The following UTP20 variants were observed in gnomAD, a reference collection of about 807,000 sequenced individuals.
The protein encoded by UTP20 is UTP20 small subunit processome component, also known as small subunit processome component 20 homolog.
A neutral mutation model predicts 329.5 loss-of-function variants in UTP20; 164 were observed. The observed-to-expected ratio is 0.50, with a 90% CI of 0.44 to 0.57. The LOEUF is 0.57. Ranked by LOEUF, UTP20 falls within the 20% of genes least tolerant of loss-of-function variation. UTP20 has a pLI of 0.00. For missense variants in UTP20, 3,055 were observed against 3,284.2 expected, an observed-to-expected ratio of 0.93 and a Z score of 1.71; for synonymous variants, 1,151 against 1,159.3, an observed-to-expected ratio of 0.99 and a Z score of 0.14.
In UTP20 at chr12:101,317,649, G is replaced by C. The variant is rs767156921; in HGVS notation, c.2724G>C (p.Arg908Ser). The C allele has an allele frequency of 1.4e-5, 22 of 1,610,050 alleles. No individual in the cohort carries two copies. The highest frequency in any genetic ancestry group is 1.8e-5 in the Non-Finnish European group (21 of 1,178,476). ...QDESSQKKKT[R>S]RAAAKQLIAH... ...AATCCTCACAGAAGAAAAAGACGAGGAGAGCTGCAGCAAAGTAAGTTCACC... is the reference window on the plus strand; with the variant it reads ...AATCCTCACAGAAGAAAAAGACGAGCAGAGCTGCAGCAAAGTAAGTTCACC... Residue 908 changes from arginine to serine, a missense_variant, in exon 22 of 62, where the codon AGG (arginine) becomes AGC (serine). Transcript: ENST00000261637.
In UTP20 at chr12:101,344,662, C is replaced by T. The variant is rs779462884; in HGVS notation, c.4517C>T (p.Ala1506Val). 18 of 1,563,316 alleles carry T rather than the reference C, an allele frequency of 1.2e-5. No homozygotes were observed. The highest frequency in any genetic ancestry group is 1.5e-5 in the Non-Finnish European group (17 of 1,133,726). The change falls in exon 36 of 62, where the codon GCC becomes GTC. Residue 1506 changes from alanine to valine, a missense_variant. Ala to Val is a moderately conservative substitution (Grantham distance 64). Coordinates refer to ENST00000261637, the MANE Select transcript of UTP20 (RefSeq NM_014503.3). ...ATGAGTATCATCAAAAAGCTAGCTG[C>T]CTTGAATGTCACAGAGAAAGACTAT... ...CLMSIIKKLA[A>V]LNVTEKDYRE...
chr12:101,308,424 A>G, intron 18 of UTP20, 81 bp downstream of exon 18: 1 of 659,414 alleles, frequency 1.5e-6, no homozygotes, highest in Middle Eastern at 5.9e-4. Context: ...GTAGTCACCA[A>G]AATAATAATA....
In UTP20 at chr12:101,295,646, C is replaced by T. The variant is rs145108682; in HGVS notation, c.1418C>T (p.Pro473Leu). ...AIEKYPLVFSPQMVGFYIKQK... is the reference protein window; with the variant it reads ...AIEKYPLVFSLQMVGFYIKQK... ...GAAAAGTACCCTCTGGTTTTCTCAC[C>T]GCAGATGGTGGGGTGAGTTCTAACT... The change falls in exon 12 of 62, where the codon CCG becomes CTG. Residue 473 changes from proline (P) to leucine (L), a missense_variant. This residue lies in a region of UTP20 where 2,445 missense variants were observed against 2,575.5 expected (regional missense o/e 0.95). Coordinates refer to ENST00000261637, the MANE Select transcript of UTP20 (RefSeq NM_014503.3). 5.1e-5 allele frequency: 81 copies of T among 1,602,880 alleles called. No homozygotes were observed. Among genetic ancestry groups the T allele is most frequent in the Non-Finnish European group, 6.1e-5 (72 of 1,172,704 alleles).
chr12:101,368,567 TAAGTATG>T (rs1870176100), intron 48 of UTP20, among the ~76,000 whole-genome samples: 1 of 152,124 alleles, frequency 6.6e-6, no homozygotes. Context: ...CTAGGTACCT[TAAGTATG>T]TCACTGGATC....
chr12:101,295,458 AT>A (rs71438421), intron 11 of UTP20, 21 bp from the exon 12 acceptor site: 233 of 1,453,308 alleles, frequency 1.6e-4, no homozygotes, highest in Middle Eastern at 4.1e-4. Context: ...AATAAGTGTG[AT>A]TTTTTTTTTC....
chr12:101,284,922 A>G (rs1158384408), intron 2 of UTP20, among the ~76,000 whole-genome samples: 1 of 152,158 alleles, frequency 6.6e-6, no homozygotes, highest in Non-Finnish European at 1.5e-5. Flanking sequence ...CTCTCACTGC[A>G]TAACTTTTAT....
At chr12:101,342,882 T>G in intron 34 of UTP20, 45 bp downstream of exon 34, 1 of 1,610,260 alleles carries the variant, frequency 6.2e-7, no homozygotes, top group Non-Finnish European at 8.5e-7. Flanking sequence ...TATTATCATT[T>G]TTGTTTACTG....
At chr12:101,337,226 G>C (rs147829268) in intron 29 of UTP20, among the ~76,000 whole-genome samples, 1 of 152,306 alleles carries the variant, frequency 6.6e-6, no homozygotes, top group African/African-American at 2.4e-5. Context: ...GTATTTGCTG[G>C]ACAGAAAGAT....
chr12:101,293,655 G>T (rs1021768869), intron 11 of UTP20, among the ~76,000 whole-genome samples: 6 of 151,886 alleles, frequency 4.0e-5, no homozygotes, highest in Non-Finnish European at 7.4e-5. Context: ...CAAACACTTG[G>T]CCCTCCTCCT....
chr12:101,310,942 A>T (rs1016715317), intron 19 of UTP20, among the ~76,000 whole-genome samples: 2 of 152,202 alleles, frequency 1.3e-5, no homozygotes, highest in African/African-American at 4.8e-5. Flanking sequence ...ACACTTTCAG[A>T]AGAGAGAATT....
chr12:101,293,718 C>T (rs901677148), intron 11 of UTP20, among the ~76,000 whole-genome samples: 7 of 152,186 alleles, frequency 4.6e-5, no homozygotes, highest in Admixed American at 6.5e-5. Context: ...TATCTGTCCT[C>T]TCAATATTCT....
At chr12:101,362,540 AG>A (rs2121002169) in intron 44 of UTP20, among the ~76,000 whole-genome samples, 1 of 132,672 alleles carries the variant, frequency 7.5e-6, no homozygotes, top group South Asian at 2.2e-4. Flanking sequence ...CCCGTCTCTA[AG>A]AAAAATACAA....
At chr12:101,317,989 C>A (rs771841350) in intron 22 of UTP20, among the ~76,000 whole-genome samples, 1 of 152,108 alleles carries the variant, frequency 6.6e-6, no homozygotes, top group Non-Finnish European at 1.5e-5. Flanking sequence ...ACTTTCCCAG[C>A]GTGAGGGTAT....
chr12:101,321,379 A>G, intron 24 of UTP20, 125 bp from the exon 25 acceptor site: 2 of 1,328,168 alleles, frequency 1.5e-6, no homozygotes, highest in Non-Finnish European at 2.0e-6. Flanking sequence ...TCCTTTATGG[A>G]TATCAACCAT....
In UTP20 at chr12:101,386,069, T is replaced by C. The variant is rs1414385217; in HGVS notation, c.8304T>C (p.Tyr2768=). The C allele has an allele frequency of 5.6e-6, 9 of 1,609,282 alleles. No homozygotes were observed. The African/African-American group carries it at 9.4e-5, about 17-fold the overall frequency. Residue 2768 remains tyrosine, a synonymous_variant, in exon 62 of 62, where the codon TAT becomes TAC. Coordinates refer to ENST00000261637, the MANE Select transcript of UTP20 (RefSeq NM_014503.3). ...KRKIEFLRPG[Y]KAKRQKSHSL... Reference sequence around the variant, plus strand: ...AGATAGAGTTCCTGCGTCCAGGATATAAGGCCAAGAGACAAAAAAGCCATA... The same window carrying C: ...AGATAGAGTTCCTGCGTCCAGGATACAAGGCCAAGAGACAAAAAAGCCATA...
At chr12:101,307,222 C>T (rs1214083936) in intron 17 of UTP20, among the ~76,000 whole-genome samples, 1 of 147,474 alleles carries the variant, frequency 6.8e-6, no homozygotes, top group Non-Finnish European at 1.5e-5. Context: ...GTAACTCTTA[C>T]TCCTGTCTAC....
In UTP20 at chr12:101,386,072, G is replaced by A; in HGVS notation, c.8307G>A (p.Lys2769=). The A allele has an allele frequency of 1.2e-6, 2 of 1,608,848 alleles. No homozygotes were observed. The highest frequency in any genetic ancestry group is 8.5e-7 in the Non-Finnish European group (1 of 1,179,134). The change falls in exon 62 of 62, where the codon AAG becomes AAA. Residue 2769 remains lysine (K), a synonymous_variant. Coordinates refer to ENST00000261637, the MANE Select transcript of UTP20 (RefSeq NM_014503.3). Reference sequence around the variant, plus strand: ...TAGAGTTCCTGCGTCCAGGATATAAGGCCAAGAGACAAAAAAGCCATAGCC... The same window carrying A: ...TAGAGTTCCTGCGTCCAGGATATAAAGCCAAGAGACAAAAAAGCCATAGCC... The part of the protein sequence containing the change: ...RKIEFLRPGY[K]AKRQKSHSLK...
intron 25 of UTP20, among the ~76,000 whole-genome samples, chr12:101,324,549 CAT>C (rs1342188482): frequency 6.6e-6 from 1 of 152,306 alleles, no homozygotes; most frequent in African/African-American, 2.4e-5. Context: ...TGATTACACA[CAT>C]GAGCCACCAC....
At chr12:101,312,693 G>A (rs1301825883) in intron 21 of UTP20, among the ~76,000 whole-genome samples, 2 of 152,170 alleles carry the variant, frequency 1.3e-5, no homozygotes, top group African/African-American at 4.8e-5. Context: ...ACCCACCTCG[G>A]CTTCCCAAAG....
Sources: gnomAD v4.1 joint callset for allele counts (sites outside exome capture counted in the v4.1 genomes callset) on GRCh38, gnomAD v4.1.1 for gene constraint, gnomAD v4.1.1 regional missense constraint, MANE v1.5 for transcripts, NCBI Gene and HGNC (gene_info 2026-07-23, HGNC 2026-07-21) for gene names.